Variants in PROC observed in about 807,000 individuals in gnomAD.
PROC encodes the protein protein C, inactivator of coagulation factors Va and VIIIa.
A neutral mutation model predicts 36.3 loss-of-function variants in PROC; 22 were observed. The observed-to-expected ratio is 0.61, with a 90% CI of 0.43 to 0.86. The LOEUF (loss-of-function observed/expected upper bound fraction) is 0.86. Among genes scored for constraint, PROC ranks in the 40% least tolerant of loss-of-function variants. The pLI is 0.00. For missense variants in PROC, 526 were observed against 629.7 expected (o/e 0.84, Z 1.76); for synonymous variants, 218 against 244.5 (o/e 0.89, Z 1.01).
In PROC at chr2:127,428,413, G is replaced by T; in HGVS notation, c.853G>T (p.Val285Phe). The T allele has an allele frequency of 6.2e-7, 1 of 1,614,156 alleles. No homozygotes were observed. The highest frequency in any genetic ancestry group is 8.5e-7 in the Non-Finnish European group (1 of 1,180,026). ...GGAGCTGGACCTGGACATCAAGGAG[G>T]TCTTCGTCCACCCCAACTACAGCAA... is the stretch of plus-strand genomic sequence containing the variant. Reference protein sequence around the residue: ...KWELDLDIKEVFVHPNYSKST... With the variant: ...KWELDLDIKEFFVHPNYSKST... The change falls in exon 9 of 9, where the codon GTC (valine) becomes TTC (phenylalanine). Residue 285 changes from valine (V) to phenylalanine (F), a missense_variant. Coordinates refer to ENST00000234071, the MANE Select transcript of PROC (RefSeq NM_000312.4).
chr2:127,426,976 G>A lies in PROC; in HGVS notation c.679-129G>A, dbSNP rs143971121. Reference sequence around the variant, plus strand: ...TGTAAAATGGGCAAAAATAGAAAACGCCAGAAAGGGCCTAAGCCTATGCCC... The same window carrying A: ...TGTAAAATGGGCAAAAATAGAAAACACCAGAAAGGGCCTAAGCCTATGCCC... On this transcript the variant is annotated intron_variant, in intron 7 of 8. Coordinates refer to ENST00000234071, the MANE Select transcript of PROC (RefSeq NM_000312.4). The surrounding 1 kb of genome is among the most constrained non-coding windows in gnomAD (Gnocchi z 7.0). 554 of 826,876 alleles carry A rather than the reference G, an allele frequency of 6.7e-4. 5 individuals carry two copies. In the African/African-American group the frequency reaches 7.6e-3, roughly 11 times the overall value. The allele number at this position is 826,876 out of a possible 1,614,324, so 51.2% of individuals were successfully genotyped here. A position where few individuals can be genotyped will look rare whatever the true frequency, so the allele number is the denominator to read the frequency against.
At chr2:127,421,576 C>CAAT (rs1688096224) in intron 3 of PROC, 127 bp downstream of exon 3, 1 of 1,080,930 alleles carries the variant, frequency 9.3e-7, no homozygotes, top group Non-Finnish European at 1.4e-6. Flanking sequence ...CTGAGTGGAG[C>CAAT]GATTAGGATG....
rs754797791 is a variant in PROC at position 127,423,101 on chromosome 2, G to A, written c.330G>A (p.Thr110=). 5.0e-6 allele frequency: 8 copies of A among 1,609,696 alleles called. No homozygotes were observed. The highest frequency in any genetic ancestry group is 1.1e-5 in the South Asian group (1 of 90,890). ...PCASLCCGHG[T]CIDGIGSFSC... ...CCAGCCTGTGCTGCGGGCACGGCACGTGCATCGACGGCATCGGCAGCTTCA... is the reference window on the plus strand; with the variant it reads ...CCAGCCTGTGCTGCGGGCACGGCACATGCATCGACGGCATCGGCAGCTTCA... The change falls in exon 5 of 9, where the codon ACG becomes ACA. Residue 110 remains threonine (T), a synonymous_variant. Transcript: ENST00000234071.
intron 2 of PROC, 88 bp from the exon 3 acceptor site, chr2:127,421,195 C>T (rs1688069376): frequency 1.4e-6 from 2 of 1,416,360 alleles, no homozygotes; most frequent in East Asian, 4.6e-5. Flanking sequence ...CCCAGGCTCT[C>T]CCAGCTCTGC....
chr2:127,423,582 A>T, intron 6 of PROC, 174 bp downstream of exon 6: 1 of 835,786 alleles, frequency 1.2e-6, no homozygotes. Flanking sequence ...CTGTTAGCGC[A>T]ATCAGCCCGG....
intron 6 of PROC, among the ~76,000 whole-genome samples, chr2:127,425,082 A>C (rs2069923): frequency 0.045 from 6,789 of 152,270 alleles, 213 homozygotes; most frequent in East Asian, 0.12. Context: ...GAGGGGAGTC[A>C]AGTCAGTGAG....
intron 3 of PROC, among the ~76,000 whole-genome samples, chr2:127,422,067 C>T (rs1030396383): frequency 2.0e-5 from 3 of 152,196 alleles, no homozygotes; most frequent in African/African-American, 7.2e-5. Context: ...TCGCTTCAGC[C>T]ACTAGGACCT....
Position 127,418,450 on chromosome 2 carries a change from G to C in PROC, c.-64G>C, listed in dbSNP as rs1268633931. On this transcript the variant is annotated 5_prime_UTR_variant, in exon 1 of 9. Transcript: ENST00000234071. The surrounding 1 kb of genome is among the most constrained non-coding windows in gnomAD (Gnocchi z 4.8). ...TTAACTCGAACTCCAGGCTGTCATGGCGGCAGGACGGCGAACTTGCAGTAT... is the reference window on the plus strand; with the variant it reads ...TTAACTCGAACTCCAGGCTGTCATGCCGGCAGGACGGCGAACTTGCAGTAT... 7.0e-6 allele frequency: 9 copies of C among 1,289,706 alleles called. No homozygotes were observed. Among genetic ancestry groups the C allele is most frequent in the Non-Finnish European group, 9.1e-6 (9 of 988,874 alleles). 79.9% of individuals were successfully genotyped at this position (1,289,706 alleles called of 1,614,324 possible). A position where few individuals can be genotyped will look rare whatever the true frequency, so the allele number is the denominator to read the frequency against.
At chr2:127,424,816 T>C (rs573074205) in intron 6 of PROC, among the ~76,000 whole-genome samples, 1 of 152,376 alleles carries the variant, frequency 6.6e-6, no homozygotes, top group African/African-American at 2.4e-5. Context: ...GGCCCTGTCA[T>C]TGGCAGAACC....
Position 127,423,268 on chromosome 2 carries a change from C to G in PROC, c.401-6C>G. The G allele has an allele frequency of 6.5e-7, 1 of 1,546,542 alleles. No individual in the cohort carries two copies. The highest frequency in any genetic ancestry group is 8.7e-7 in the Non-Finnish European group (1 of 1,145,702). ...ACCAGCTGCCCGCGCCCTCCCCTGC[C>G]CGCAGAGGTGAGCTTCCTCAATTGC... On this transcript the variant is annotated splice_polypyrimidine_tract_variant and splice_region_variant and intron_variant, in intron 5 of 8. Transcript: ENST00000234071.
rs1223883395 is a variant in PROC at position 127,421,392 on chromosome 2, AGAG to A, written c.184_186del (p.Glu62del). On this transcript the variant is annotated inframe_deletion, in exon 3 of 9. Coordinates refer to ENST00000234071, the MANE Select transcript of PROC (RefSeq NM_000312.4). ...ACAGCAGCCTGGAGCGGGAGTGCAT[AGAG>A]GAGATCTGTGACTTCGAGGAGGCCA... The A allele has an allele frequency of 1.9e-6, 3 of 1,613,952 alleles. No homozygotes were observed. The highest frequency in any genetic ancestry group is 4.5e-5 in the East Asian group (2 of 44,894).
chr2:127,419,037 T>C (rs1365712072), intron 1 of PROC, among the ~76,000 whole-genome samples: 1 of 152,126 alleles, frequency 6.6e-6, no homozygotes, highest in Non-Finnish European at 1.5e-5. Context: ...AATGCATGGA[T>C]GTAAACATGG....
At chr2:127,421,857 C>T (rs988589121) in intron 3 of PROC, among the ~76,000 whole-genome samples, 1 of 152,214 alleles carries the variant, frequency 6.6e-6, no homozygotes, top group African/African-American at 2.4e-5. Flanking sequence ...CATAAAATCG[C>T]TCACTCTGTG....
At chr2:127,425,647 C>T (rs542992167) in intron 6 of PROC, among the ~76,000 whole-genome samples, 2 of 150,266 alleles carry the variant, frequency 1.3e-5, no homozygotes, top group South Asian at 2.1e-4. Context: ...GAAGTTTAAC[C>T]ACCTATGTAA....
intron 2 of PROC, 101 bp downstream of exon 2, chr2:127,420,113 C>G: frequency 7.3e-7 from 1 of 1,362,018 alleles, no homozygotes; most frequent in Admixed American, 1.9e-5. Flanking sequence ...TCTCTGAGCC[C>G]TGGGTGAGGT....
At chr2:127,427,314 G>C (rs1052386989) in intron 8 of PROC, 92 bp downstream of exon 8, 1 of 1,146,300 alleles carries the variant, frequency 8.7e-7, no homozygotes, top group Non-Finnish European at 1.3e-6. Flanking sequence ...CCGCTCCCCA[G>C]GTGCTTAAGC....
chr2:127,420,024 C>T lies in PROC; in HGVS notation c.70+12C>T, dbSNP rs1687993255. On this transcript the variant is annotated intron_variant, in intron 2 of 8. Coordinates refer to ENST00000234071, the MANE Select transcript of PROC (RefSeq NM_000312.4). ...ACCAGCTCCTCTTGGTAAGGCCACC[C>T]CACCCCTACCCCGGGACCCTTGTGG... is the stretch of plus-strand genomic sequence containing the variant. 1.2e-6 allele frequency: 2 copies of T among 1,612,750 alleles called. No homozygotes were observed. Among genetic ancestry groups the T allele is most frequent in the Non-Finnish European group, 1.7e-6 (2 of 1,179,820 alleles).
intron 2 of PROC, 109 bp from the exon 3 acceptor site, chr2:127,421,174 G>A: frequency 8.5e-7 from 1 of 1,182,472 alleles, no homozygotes; most frequent in South Asian, 1.3e-5. Context: ...AGGGGGCGGA[G>A]ACAAGACCTT....
At chr2:127,421,771 AC>A (rs1279716612) in intron 3 of PROC, among the ~76,000 whole-genome samples, 2 of 152,084 alleles carry the variant, frequency 1.3e-5, no homozygotes, top group Non-Finnish European at 2.9e-5. Context: ...CAAAGAGGGG[AC>A]CTAAAGACCA....
Sources: allele counts gnomAD v4.1 joint callset (sites outside exome capture counted in the v4.1 genomes callset), GRCh38; gene constraint gnomAD v4.1.1; non-coding constraint Gnocchi (gnomAD v3.1); transcripts MANE v1.5; gene names NCBI Gene and HGNC (gene_info 2026-07-23, HGNC 2026-07-21).